Variants in MAST4 observed in about 807,000 individuals in gnomAD.
The protein encoded by MAST4 is microtubule-associated serine/threonine-protein kinase 4.
MAST4 carries 89 observed loss-of-function variants against 162.7 expected under a neutral mutation model. The ratio of observed to expected loss-of-function variants is 0.55; its 90% confidence interval spans 0.46 to 0.65. The LOEUF is 0.65. Ranked by LOEUF, MAST4 falls within the 30% of genes least tolerant of loss-of-function variation. The pLI is 0.00. For synonymous variants in MAST4, 1,479 were observed against 1,361.1 expected (o/e 1.09, Z -1.91); for missense variants, 3,153 against 3,374.0 (o/e 0.93, Z 1.62).
chr5:67,102,020 T>C (rs983393160), intron 8 of MAST4, among the ~76,000 whole-genome samples: 5 of 150,144 alleles, frequency 3.3e-5, no homozygotes, highest in Middle Eastern at 3.2e-3. Flanking sequence ...TAGATAAATA[T>C]TTGCTAGGCT....
chr5:67,165,353 C>T lies in MAST4; in HGVS notation c.6174C>T (p.Asn2058=). ...AGGCGAGGCCCCCGCCCAGAGACAACTCCTCTCTGCACTCAGCTGGAATTC... is the reference window on the plus strand; with the variant it reads ...AGGCGAGGCCCCCGCCCAGAGACAATTCCTCTCTGCACTCAGCTGGAATTC... The part of the protein sequence containing the change: ...PGEARPPPRD[N]SSLHSAGIPC... Residue 2058 remains asparagine, a synonymous_variant, in exon 29 of 29, where the codon AAC becomes AAT. Transcript: ENST00000403625. The T allele has an allele frequency of 1.2e-6, 2 of 1,613,176 alleles. No individual in the cohort carries two copies. Among genetic ancestry groups the T allele is most frequent in the African/African-American group, 1.3e-5 (1 of 75,038 alleles).
chr5:67,153,803 A>C (rs540989599), intron 26 of MAST4, among the ~76,000 whole-genome samples: 20 of 152,300 alleles, frequency 1.3e-4, no homozygotes, highest in African/African-American at 4.8e-4. Flanking sequence ...TTTGCTTCTC[A>C]TTCTAAATTG....
chr5:66,744,304 C>T (rs1428431870), intron 1 of MAST4, among the ~76,000 whole-genome samples: 1 of 152,112 alleles, frequency 6.6e-6, no homozygotes, highest in African/African-American at 2.4e-5. Flanking sequence ...GAATGCTTTT[C>T]TTAAGAACAT....
chr5:66,730,603 A>G (rs1368049169), intron 1 of MAST4, among the ~76,000 whole-genome samples: 1 of 152,216 alleles, frequency 6.6e-6, no homozygotes, highest in African/African-American at 2.4e-5. Flanking sequence ...GATTCTGAAC[A>G]GTAGTTAAGG....
At chr5:66,672,513 A>G (rs760233370) in intron 1 of MAST4, among the ~76,000 whole-genome samples, 28 of 152,226 alleles carry the variant, frequency 1.8e-4, no homozygotes, top group Non-Finnish European at 3.5e-4. Context: ...AAAAAGGTAT[A>G]TATCCCCACG....
chr5:66,793,868 A>G (rs1421564932), intron 3 of MAST4, among the ~76,000 whole-genome samples: 1 of 152,138 alleles, frequency 6.6e-6, no homozygotes, highest in East Asian at 1.9e-4. Flanking sequence ...ATCACTGTCC[A>G]GTATACCATA....
chr5:67,084,180 T>G lies in MAST4; in HGVS notation c.764-5982T>G, dbSNP rs529129242. 7.9e-5 allele frequency among the ~76,000 whole-genome samples: 12 copies of G among 152,324 alleles called. No homozygotes were observed. The South Asian group carries it at 2.5e-3, about 32-fold the overall frequency. On this transcript the variant is annotated intron_variant, in intron 5 of 28. Coordinates refer to ENST00000403625, the MANE Select transcript of MAST4 (RefSeq NM_001164664.2). ...GGGTCTCTCTTCCACGCCCTACATG[T>G]TTTTCTTTCTATAACCTCATCAGTC...
chr5:66,770,575 T>C (rs1754316563), intron 2 of MAST4, among the ~76,000 whole-genome samples: 1 of 152,188 alleles, frequency 6.6e-6, no homozygotes, highest in African/African-American at 2.4e-5. Flanking sequence ...CTGCAGCCTC[T>C]TGGAAGCCCA....
intron 3 of MAST4, among the ~76,000 whole-genome samples, chr5:66,836,270 A>G (rs1757964065): frequency 6.6e-6 from 1 of 152,176 alleles, no homozygotes. Context: ...TATGTAATGT[A>G]TGTACAGATC....
At position 66,914,167 on chromosome 5, in the gene MAST4, T is replaced by C. The variant is rs77484225; in HGVS notation, c.674+14185T>C. Among the ~76,000 whole-genome samples the C allele has an allele frequency of 4.5e-4, 69 of 152,268 alleles. 2 individuals carry two copies. In the East Asian group the frequency reaches 0.012, roughly 26 times the overall value. ...AAAAAAAAGCCTGTTGATATTTTTA[T>C]TGAAATCATATTGAATCCATAGATC... On this transcript the variant is annotated intron_variant, in intron 4 of 28. Transcript: ENST00000403625.
chr5:66,633,817 C>T (rs1744934693), intron 1 of MAST4, among the ~76,000 whole-genome samples: 2 of 152,070 alleles, frequency 1.3e-5, no homozygotes. Context: ...GTTCAGCCTA[C>T]CAGACAGCTG....
chr5:66,898,548 CA>C (rs1762824145), intron 3 of MAST4, among the ~76,000 whole-genome samples: 1 of 152,000 alleles, frequency 6.6e-6, no homozygotes, highest in Non-Finnish European at 1.5e-5. Context: ...ATCAGGGAGC[CA>C]AGTTCAGCAA....
intron 3 of MAST4, among the ~76,000 whole-genome samples, chr5:66,791,861 G>C (rs1458986035): frequency 2.0e-5 from 3 of 152,182 alleles, no homozygotes; most frequent in Non-Finnish European, 2.9e-5. Context: ...AAGAGCAGCA[G>C]CCAGAGGAGA....
At chr5:66,940,574 A>T (rs918406018) in intron 4 of MAST4, among the ~76,000 whole-genome samples, 1 of 152,170 alleles carries the variant, frequency 6.6e-6, no homozygotes, top group African/African-American at 2.4e-5. Flanking sequence ...CTCTTCATCC[A>T]TTCAAGTTTT....
intron 1 of MAST4, among the ~76,000 whole-genome samples, chr5:66,723,888 T>G (rs951229491): frequency 1.3e-5 from 2 of 152,114 alleles, no homozygotes; most frequent in African/African-American, 4.8e-5. Context: ...AGGAAGAACA[T>G]TTGGTGATGG....
At position 66,873,211 on chromosome 5, in the gene MAST4, G is replaced by A. The variant is rs140180527; in HGVS notation, c.643-26740G>A. Among the ~76,000 whole-genome samples, 60 of 152,308 alleles carry A rather than the reference G, an allele frequency of 3.9e-4. 2 individuals are homozygous for A. In the East Asian group the frequency reaches 0.012, roughly 29 times the overall value. ...CTTTCCTCCTCAAAACACTGCGGTA[G>A]TAGAAATTTGAGGAGGGCCTAAAAA... On this transcript the variant is annotated intron_variant, in intron 3 of 28. Transcript: ENST00000403625.
At chr5:66,973,388 GT>G (rs1268722521) in intron 4 of MAST4, among the ~76,000 whole-genome samples, 1 of 151,644 alleles carries the variant, frequency 6.6e-6, no homozygotes, top group African/African-American at 2.4e-5. Flanking sequence ...AAGTTATACT[GT>G]CTTTCTTCTT....
Position 66,596,530 on chromosome 5 carries a change from G to T in MAST4, c.-126G>T. ...TCACTGCCATGTAGTCGCTGGCGGG[G>T]CTCCCTGCAGCCCGGGAGCGGCAGT... On this transcript the variant is annotated 5_prime_UTR_variant, in exon 1 of 29. Transcript: ENST00000403625. 1 of 1,160,432 alleles carries T rather than the reference G, an allele frequency of 8.6e-7. No homozygotes were observed. Among genetic ancestry groups the T allele is most frequent in the Non-Finnish European group, 1.1e-6 (1 of 910,698 alleles). The allele number at this position is 1,160,432 out of a possible 1,614,324, so 71.9% of individuals were successfully genotyped here. A position where few individuals can be genotyped will look rare whatever the true frequency, so the allele number is the denominator to read the frequency against.
chr5:66,827,887 T>C (rs1244208283), intron 3 of MAST4, among the ~76,000 whole-genome samples: 1 of 152,220 alleles, frequency 6.6e-6, no homozygotes, highest in Admixed American at 6.5e-5. Context: ...ATGTTGTTAC[T>C]CCTGTGCCAT....
Sources: allele counts gnomAD v4.1 joint callset (sites outside exome capture counted in the v4.1 genomes callset), GRCh38; gene constraint gnomAD v4.1.1; transcripts MANE v1.5; gene names NCBI Gene and HGNC (gene_info 2026-07-23, HGNC 2026-07-21).